TJP1: variants seen among roughly 807,000 people sequenced by gnomAD.
TJP1 encodes the protein tight junction protein 1, also known as tight junction protein ZO-1.
In TJP1, 43 loss-of-function variants were observed where a neutral mutation model predicts 194.2. That is an observed-to-expected ratio of 0.22 (90% CI 0.17 to 0.29). The LOEUF (loss-of-function observed/expected upper bound fraction) is 0.29, where lower values mean the gene tolerates loss of function less well. Among genes scored for constraint, TJP1 ranks in the 10% least tolerant of loss-of-function variants. The pLI is 1.00. For missense variants in TJP1, 1,971 were observed against 2,185.7 expected (o/e 0.90, Z 1.96); for synonymous variants, 801 against 779.0 (o/e 1.03, Z -0.47).
rs763840545 is a variant in TJP1 at position 29,718,495 on chromosome 15, G to A, written c.3647C>T (p.Pro1216Leu). ...AGGGACAGCTGCAGCACCATGGAGA[G>A]GCTCAAAATGACCTGCTCTAGAGGT... ...GFTSRAGHFE[P>L]LHGAAAVPPL... is the part of the protein sequence containing the mutation. Residue 1216 changes from proline to leucine, a missense_variant, in exon 21 of 28, where the codon CCT becomes CTT. By Grantham distance (98) the Pro-to-Leu change is moderately conservative. Transcript: ENST00000614355. 3 of 1,614,166 alleles carry A rather than the reference G, an allele frequency of 1.9e-6. No homozygotes were observed. The highest frequency in any genetic ancestry group is 2.5e-6 in the Non-Finnish European group (3 of 1,180,040).
At chr15:29,721,353 GTTTTT>G (rs1028621874) in intron 18 of TJP1, among the ~76,000 whole-genome samples, 1 of 152,024 alleles carries the variant, frequency 6.6e-6, no homozygotes. Flanking sequence ...CCCAAGATCT[GTTTTT>G]TTAAGTGTGC....
intron 18 of TJP1, among the ~76,000 whole-genome samples, chr15:29,724,845 A>C (rs1205265102): frequency 6.6e-6 from 1 of 152,222 alleles, no homozygotes; most frequent in Non-Finnish European, 1.5e-5. Flanking sequence ...AAAAGCTAGA[A>C]AGTTGGACCT....
intron 2 of TJP1, among the ~76,000 whole-genome samples, chr15:29,912,010 T>C (rs1170439994): frequency 1.3e-5 from 2 of 152,190 alleles, no homozygotes; most frequent in Non-Finnish European, 2.9e-5. Flanking sequence ...ACAGACTGGG[T>C]GGCTTTAACA....
In TJP1 at chr15:29,858,980, A is replaced by T. The variant is rs889034038; in HGVS notation, c.307-58278T>A. The stretch of plus-strand genomic sequence containing the variant: ...AACGCTGGGATTACTAGTACGAGCC[A>T]CTGTGCCCAACCTGAAGAATTATTT... On this transcript the variant is annotated intron_variant, in intron 2 of 28. Coordinates refer to the TJP1 transcript ENST00000356107. 2.0e-5 allele frequency among the ~76,000 whole-genome samples: 3 copies of T among 152,186 alleles called. No homozygotes were observed. The East Asian group carries it at 5.8e-4, about 29-fold the overall frequency.
intron 2 of TJP1, among the ~76,000 whole-genome samples, chr15:29,835,057 G>A (rs901053877): frequency 6.6e-6 from 1 of 152,124 alleles, no homozygotes; most frequent in Admixed American, 6.6e-5. Context: ...AATGAGAGGG[G>A]CTTGTTGGGG....
chr15:29,938,019 C>G (rs1416876880), intron 2 of TJP1, among the ~76,000 whole-genome samples: 1 of 152,254 alleles, frequency 6.6e-6, no homozygotes, highest in South Asian at 2.1e-4. Flanking sequence ...AGTAGTCCAT[C>G]TTCAACATTC....
chr15:29,949,526 A>T (rs1225602772), intron 2 of TJP1, among the ~76,000 whole-genome samples: 44 of 111,536 alleles, frequency 3.9e-4, no homozygotes, highest in Admixed American at 5.7e-4. Context: ...CTCCACCACC[A>T]CCACCTCCAC....
At chr15:29,933,219 A>T (rs76831317) in intron 2 of TJP1, among the ~76,000 whole-genome samples, 2,231 of 152,308 alleles carry the variant, frequency 0.015, 54 homozygotes, top group African/African-American at 0.05. Context: ...TCCATCAGTC[A>T]GTAGATGATG....
chr15:29,734,067 G>A lies in TJP1; in HGVS notation c.1516+207C>T, dbSNP rs982332241. On this transcript the variant is annotated intron_variant, in intron 12 of 27. Transcript: ENST00000614355. ...TTATTTAAATTAGAATACTATAAAGGTTAGTCCTATTAGCATGCTCTGCTA... is the reference window on the plus strand; with the variant it reads ...TTATTTAAATTAGAATACTATAAAGATTAGTCCTATTAGCATGCTCTGCTA... 1.6e-4 allele frequency among the ~76,000 whole-genome samples: 24 copies of A among 152,192 alleles called. 1 individual carries two copies. The highest frequency in any genetic ancestry group is 6.5e-4 in the Admixed American group (10 of 15,294).
chr15:29,837,068 T>C (rs1719031), intron 2 of TJP1, among the ~76,000 whole-genome samples: 138,813 of 152,292 alleles, frequency 0.91, 63,318 homozygotes, highest in East Asian at 0.99. Flanking sequence ...TAATTACACA[T>C]GTGTTACTGC....
At position 29,873,959 on chromosome 15, in the gene TJP1, C is replaced by T. The variant is rs76610986; in HGVS notation, c.307-73257G>A. Among the ~76,000 whole-genome samples the T allele has an allele frequency of 3.4e-3, 522 of 152,258 alleles. 2 individuals carry two copies. The highest frequency in any genetic ancestry group is 6.1e-3 in the Non-Finnish European group (412 of 68,018). On this transcript the variant is annotated intron_variant, in intron 2 of 28. Coordinates refer to the TJP1 transcript ENST00000356107. ...TGAGGCATAGCTTTTACCCAACAGG[C>T]TCAAAACTCTAAATTAAAAGAAAAC... is the stretch of plus-strand genomic sequence containing the variant.
intron 23 of TJP1, among the ~76,000 whole-genome samples, chr15:29,712,406 G>A (rs2042296489): frequency 6.6e-6 from 1 of 152,158 alleles, no homozygotes; most frequent in African/African-American, 2.4e-5. Context: ...TAAGAGCCAA[G>A]AAATCTAGGT....
intron 2 of TJP1, among the ~76,000 whole-genome samples, chr15:29,884,770 A>G (rs2053058854): frequency 6.6e-6 from 1 of 152,210 alleles, no homozygotes; most frequent in Non-Finnish European, 1.5e-5. Context: ...ACAAAGAGGT[A>G]CAGTTCAAGG....
chr15:29,770,005 T>C (rs1043662869), intron 4 of TJP1, among the ~76,000 whole-genome samples: 1 of 152,114 alleles, frequency 6.6e-6, no homozygotes, highest in Admixed American at 6.5e-5. Context: ...GATGGCTCCA[T>C]GCGTGTTACT....
rs571251292 is a variant in TJP1 at position 29,718,835 on chromosome 15, G to A, written c.3307C>T (p.Arg1103Trp). 43 of 1,614,186 alleles carry A rather than the reference G, an allele frequency of 2.7e-5. No homozygotes were observed. The highest frequency in any genetic ancestry group is 4.0e-5 in the African/African-American group (3 of 75,050). Residue 1103 changes from arginine to tryptophan, a missense_variant, in exon 21 of 28, where the codon CGG becomes TGG. Arg to Trp is a moderately radical substitution (Grantham distance 101). Transcript: ENST00000614355. ...YYDDKQPYPS[R>W]PPFDNQHSQD... Reference sequence around the variant, plus strand: ...GAGTGCTGATTATCAAAAGGTGGCCGAGATGGGTAGGGCTGTTTGTCATCA... The same window carrying A: ...GAGTGCTGATTATCAAAAGGTGGCCAAGATGGGTAGGGCTGTTTGTCATCA...
chr15:29,770,449 T>A (rs2046588579), intron 4 of TJP1, among the ~76,000 whole-genome samples: 1 of 148,538 alleles, frequency 6.7e-6, no homozygotes, highest in African/African-American at 2.5e-5. Flanking sequence ...ACACAGCCTG[T>A]AATCCAAGCA....
intron 8 of TJP1, chr15:29,759,039 G>A (rs1388920283): frequency 3.3e-5 from 5 of 152,150 alleles, no homozygotes; most frequent in African/African-American, 7.2e-5. Flanking sequence ...AGTAGAATGC[G>A]AAACACTTTA....
At chr15:29,949,581 C>T (rs1359337180) in intron 2 of TJP1, among the ~76,000 whole-genome samples, 2 of 138,100 alleles carry the variant, frequency 1.4e-5, no homozygotes, top group African/African-American at 5.4e-5. Flanking sequence ...ACAACCACCA[C>T]CTCCACCTCC....
chr15:29,710,352 G>A (rs1184919519), intron 24 of TJP1, among the ~76,000 whole-genome samples: 1 of 152,172 alleles, frequency 6.6e-6, no homozygotes, highest in Admixed American at 6.5e-5. Context: ...CTAGGAAAAT[G>A]CCTGTCCACA....
Sources: allele counts gnomAD v4.1 joint callset (sites outside exome capture counted in the v4.1 genomes callset), GRCh38; gene constraint gnomAD v4.1.1; transcripts MANE v1.5; gene names NCBI Gene and HGNC (gene_info 2026-07-23, HGNC 2026-07-21).